Variants in TGM7 observed in about 807,000 individuals in gnomAD.
The protein encoded by TGM7 is protein-glutamine gamma-glutamyltransferase Z.
Under a neutral mutation model 79.5 loss-of-function variants are expected in TGM7, and 74 were observed. The observed-to-expected ratio is 0.93, with a 90% CI of 0.77 to 1.13. The LOEUF (loss-of-function observed/expected upper bound fraction) is 1.13, where lower values mean the gene tolerates loss of function less well. Ranked by LOEUF, TGM7 falls within the 50% of genes most tolerant of loss-of-function variation. The pLI, the probability that TGM7 is intolerant of heterozygous loss-of-function variation, is 0.00. For missense variants in TGM7, 912 were observed against 905.9 expected (o/e 1.01, Z -0.09); for synonymous variants, 354 against 362.5 (o/e 0.98, Z 0.27).
At position 43,287,310 on chromosome 15, in the gene TGM7, A is replaced by G. The variant is rs1490087785; in HGVS notation, c.835T>C (p.Cys279Arg). 3 of 1,613,908 alleles carry G rather than the reference A, an allele frequency of 1.9e-6. No homozygotes were observed. Among genetic ancestry groups the G allele is most frequent in the Non-Finnish European group, 1.7e-6 (2 of 1,180,024 alleles). The change falls in exon 6 of 13, where the codon TGC (cysteine) becomes CGC (arginine). Residue 279 changes from cysteine (C) to arginine (R), a missense_variant. Physicochemically the swap from Cys to Arg is radical, Grantham distance 180. Transcript: ENST00000452443. ...CACATAACAGAGGCGAAGACCCAGC[A>G]CTGTCCGTACTTCACAGGCTGCCCG... is the stretch of plus-strand genomic sequence containing the variant. ...RGGQPVKYGQ[C>R]WVFASVMCTV...
At chr15:43,297,587 T>TGGAAAGAAAGAAAGAAAGAA (rs1555386111) in intron 1 of TGM7, among the ~76,000 whole-genome samples, 1 of 114,482 alleles carries the variant, frequency 8.7e-6, no homozygotes, top group African/African-American at 3.6e-5. Flanking sequence ...TCTGCATGTA[T>TGGAAAGAAAGAAAGAAAGAA]AGAAAGAAAG....
rs764908265 is a variant in TGM7 at position 43,279,943 on chromosome 15, C to T, written c.1360G>A (p.Glu454Lys). Reference sequence around the variant, plus strand: ...GCCTTCATGAAGACAGCTCTCTCCTCAGGGGATCCTGCAGAAGGGAGAGGT... The same window carrying T: ...GCCTTCATGAAGACAGCTCTCTCCTTAGGGGATCCTGCAGAAGGGAGAGGT... Reference protein sequence around the residue: ...SSYKYPEGSPEERAVFMKASR... With the variant: ...SSYKYPEGSPKERAVFMKASR... The change falls in exon 10 of 13, where the codon GAG (glutamate) becomes AAG (lysine). Residue 454 changes from glutamate to lysine, a missense_variant. Glu to Lys is a moderately conservative substitution (Grantham distance 56, BLOSUM62 1). Transcript: ENST00000452443. 6.2e-7 allele frequency: 1 copy of T among 1,613,512 alleles called. No individual in the cohort carries two copies. The highest frequency in any genetic ancestry group is 1.1e-5 in the South Asian group (1 of 91,040).
At chr15:43,297,238 G>A (rs929726662) in intron 1 of TGM7, among the ~76,000 whole-genome samples, 4 of 151,986 alleles carry the variant, frequency 2.6e-5, no homozygotes, top group African/African-American at 9.7e-5. Context: ...GGTGGATCAC[G>A]AGCTCAGGAG....
chr15:43,290,381 G>C (rs1318999500), intron 4 of TGM7, among the ~76,000 whole-genome samples: 5 of 152,174 alleles, frequency 3.3e-5, no homozygotes, highest in African/African-American at 1.2e-4. Flanking sequence ...TTGTAGATAT[G>C]CAGCATTCTT....
chr15:43,292,190 A>C (rs2142415564), intron 3 of TGM7, 93 bp from the exon 4 acceptor site: 1 of 839,598 alleles, frequency 1.2e-6, no homozygotes, highest in East Asian at 2.5e-5. Flanking sequence ...TGTTTCTGGA[A>C]AACAGGAGGA....
chr15:43,287,767 G>T, intron 4 of TGM7, 98 bp from the exon 5 acceptor site: 1 of 1,407,414 alleles, frequency 7.1e-7, no homozygotes, highest in Non-Finnish European at 9.6e-7. Flanking sequence ...GCATGTATAT[G>T]GGGATGTGGG....
rs777963945 is a variant in TGM7 at position 43,292,880 on chromosome 15, T to G, written c.268A>C (p.Ser90Arg). ...LTRVQPGNVW[S>R]ASDFTIDSNS... ...GAGTCAATGGTGAAATCAGAAGCGC[T>G]CCAGACATTCCCGGGCTGGACCCGG... Residue 90 changes from serine (S) to arginine (R), a missense_variant, in exon 3 of 13, where the codon AGC becomes CGC. Transcript: ENST00000452443. 17 of 1,613,824 alleles carry G rather than the reference T, an allele frequency of 1.1e-5. No homozygotes were observed. The highest frequency in any genetic ancestry group is 2.7e-5 in the African/African-American group (2 of 74,928).
At chr15:43,285,149 A>G (rs1485256142) in intron 6 of TGM7, among the ~76,000 whole-genome samples, 197 bp from the exon 7 acceptor site, 1 of 152,198 alleles carries the variant, frequency 6.6e-6, no homozygotes, top group Non-Finnish European at 1.5e-5. Flanking sequence ...ACATCCCACA[A>G]GGAGAAAGGA....
chr15:43,281,729 T>A, intron 9 of TGM7, 115 bp downstream of exon 9: 1 of 1,497,522 alleles, frequency 6.7e-7, no homozygotes, highest in Non-Finnish European at 9.1e-7. Context: ...CCCCTAGGAG[T>A]TTGCCATGAG....
chr15:43,281,618 T>C (rs2042909335), intron 9 of TGM7, among the ~76,000 whole-genome samples: 1 of 152,196 alleles, frequency 6.6e-6, no homozygotes, highest in African/African-American at 2.4e-5. Context: ...AAAATATTTG[T>C]TTATCTGGAT....
At chr15:43,280,141 C>T (rs1038794241) in intron 9 of TGM7, among the ~76,000 whole-genome samples, 190 bp from the exon 10 acceptor site, 4 of 152,132 alleles carry the variant, frequency 2.6e-5, no homozygotes, top group Non-Finnish European at 2.9e-5. Flanking sequence ...TCATCTGTAA[C>T]CTGGGGATGA....
At position 43,276,980 on chromosome 15, in the gene TGM7, C is replaced by T. The variant is rs773201506; in HGVS notation, c.1855G>A (p.Glu619Lys). Reference protein sequence around the residue: ...HLSIEVSERAEVGKALRVHVT... With the variant: ...HLSIEVSERAKVGKALRVHVT... Reference sequence around the variant, plus strand: ...TGGACTCTCAGCGCCTTGCCCACCTCAGCCCTCTCAGACACCTGTGTGGAG... The same window carrying T: ...TGGACTCTCAGCGCCTTGCCCACCTTAGCCCTCTCAGACACCTGTGTGGAG... Residue 619 changes from glutamate to lysine, a missense_variant, in exon 12 of 13, where the codon GAG becomes AAG. Glu to Lys is a moderately conservative substitution (Grantham distance 56). Transcript: ENST00000452443. The T allele has an allele frequency of 1.9e-6, 3 of 1,614,070 alleles. No homozygotes were observed. The highest frequency in any genetic ancestry group is 1.7e-6 in the Non-Finnish European group (2 of 1,179,990).
chr15:43,287,170 C>A, intron 6 of TGM7, 110 bp downstream of exon 6: 1 of 1,335,026 alleles, frequency 7.5e-7, no homozygotes, highest in South Asian at 1.4e-5. Context: ...TGGGTGCCCA[C>A]CACCCCCAGC....
At chr15:43,278,119 G>A (rs547445331) in intron 11 of TGM7, among the ~76,000 whole-genome samples, 2 of 152,348 alleles carry the variant, frequency 1.3e-5, no homozygotes, top group South Asian at 4.1e-4. Flanking sequence ...AAACCCTGGG[G>A]TAGGCCAGCT....
chr15:43,292,490 G>T (rs1181946914), intron 3 of TGM7, among the ~76,000 whole-genome samples: 1 of 152,170 alleles, frequency 6.6e-6, no homozygotes. Context: ...ATACAATTAG[G>T]CTCATATTAG....
Position 43,279,877 on chromosome 15 carries a change from A to G in TGM7, c.1426T>C (p.Phe476Leu), listed in dbSNP as rs748254144. Reference sequence around the variant, plus strand: ...CCCCCAGACTCCAGGAGATCCAGGAAGGGCAAAGAAGCTCTTTGGGGGCCC... The same window carrying G: ...CCCCCAGACTCCAGGAGATCCAGGAGGGGCAAAGAAGCTCTTTGGGGGCCC... ...MLGPQRASLP[F>L]LDLLESGGLR... The change falls in exon 10 of 13, where the codon TTC becomes CTC. Residue 476 changes from phenylalanine to leucine, a missense_variant. Phe to Leu is a conservative substitution (Grantham distance 22). Coordinates refer to ENST00000452443, the MANE Select transcript of TGM7 (RefSeq NM_052955.3). 2 of 1,614,220 alleles carry G rather than the reference A, an allele frequency of 1.2e-6. No homozygotes were observed. The highest frequency in any genetic ancestry group is 3.3e-5 in the Admixed American group (2 of 60,034).
intron 4 of TGM7, among the ~76,000 whole-genome samples, chr15:43,290,801 A>C (rs1005181083): frequency 6.6e-5 from 10 of 152,118 alleles, no homozygotes; most frequent in East Asian, 1.9e-4. Flanking sequence ...AGTTGGATTC[A>C]TAGGTATTTT....
chr15:43,278,944 C>T (rs370590472), intron 11 of TGM7, among the ~76,000 whole-genome samples, 173 bp downstream of exon 11: 1 of 152,220 alleles, frequency 6.6e-6, no homozygotes, highest in Admixed American at 6.5e-5. Context: ...CTTTGAGAAG[C>T]CTTCATGCCC....
intron 6 of TGM7, among the ~76,000 whole-genome samples, 195 bp from the exon 7 acceptor site, chr15:43,285,147 CA>C (rs1185502013): frequency 6.6e-6 from 1 of 152,190 alleles, no homozygotes; most frequent in African/African-American, 2.4e-5. Context: ...CAACATCCCA[CA>C]AGGAGAAAGG....
Sources: allele counts gnomAD v4.1 joint callset (sites outside exome capture counted in the v4.1 genomes callset), GRCh38; gene constraint gnomAD v4.1.1; transcripts MANE v1.5; gene names NCBI Gene and HGNC (gene_info 2026-07-23, HGNC 2026-07-21).